UHRF2: variants seen among roughly 807,000 people sequenced by gnomAD.
UHRF2 encodes the protein ubiquitin like with PHD and ring finger domains 2.
Under a neutral mutation model 96.8 loss-of-function variants are expected in UHRF2, and 23 were observed. The ratio of observed to expected loss-of-function variants is 0.24; its 90% confidence interval spans 0.17 to 0.34. UHRF2 has a LOEUF of 0.34. Among genes scored for constraint, UHRF2 ranks in the 10% least tolerant of loss-of-function variants. The pLI, the probability that UHRF2 is intolerant of heterozygous loss-of-function variation, is 1.00. For synonymous variants in UHRF2, 385 were observed against 332.6 expected (o/e 1.16, Z -1.72); for missense variants, 685 against 981.5 (o/e 0.70, Z 4.04).
At chr9:6,505,930 T>G in intron 15 of UHRF2, 103 bp from the exon 16 acceptor site, 1 of 1,203,164 alleles carries the variant, frequency 8.3e-7, no homozygotes, top group South Asian at 1.4e-5. Context: ...TTCTGTACAT[T>G]TCTCTCATTA....
intron 1 of UHRF2, among the ~76,000 whole-genome samples, chr9:6,416,008 G>A (rs988849955): frequency 4.6e-5 from 7 of 152,154 alleles, no homozygotes; most frequent in African/African-American, 1.7e-4. Flanking sequence ...AGATCTCCAG[G>A]TGATCTGTAT....
chr9:6,425,312 G>A (rs1820188691), intron 2 of UHRF2, among the ~76,000 whole-genome samples: 1 of 152,098 alleles, frequency 6.6e-6, no homozygotes, highest in South Asian at 2.1e-4. Flanking sequence ...ATGTCCCTTT[G>A]ACATACCCCC....
chr9:6,416,237 G>C (rs1819591627), intron 1 of UHRF2, among the ~76,000 whole-genome samples: 1 of 151,978 alleles, frequency 6.6e-6, no homozygotes, highest in Admixed American at 6.5e-5. Context: ...CAAATTTTTT[G>C]TATTTTAGTA....
At chr9:6,486,269 A>G (rs921773098) in intron 8 of UHRF2, among the ~76,000 whole-genome samples, 1 of 152,378 alleles carries the variant, frequency 6.6e-6, no homozygotes, top group East Asian at 1.9e-4. Flanking sequence ...TCATGACTCA[A>G]ACTACGATTG....
At position 6,439,324 on chromosome 9, in the gene UHRF2, C is replaced by T. The variant is rs183012165; in HGVS notation, c.644+5151C>T. On this transcript the variant is annotated intron_variant, in intron 3 of 15. Coordinates refer to ENST00000276893, the MANE Select transcript of UHRF2 (RefSeq NM_152896.3). ...CTCAGCCTCCTGAGACACAGATGTGCACCACCACGCCCGGCTAATTTTTGT... is the reference window on the plus strand; with the variant it reads ...CTCAGCCTCCTGAGACACAGATGTGTACCACCACGCCCGGCTAATTTTTGT... Among the ~76,000 whole-genome samples the T allele has an allele frequency of 5.8e-4, 89 of 152,290 alleles. No individual in the cohort carries two copies. The Middle Eastern group carries it at 0.01, about 18-fold the overall frequency.
intron 4 of UHRF2, among the ~76,000 whole-genome samples, chr9:6,474,968 T>C (rs1823476532): frequency 6.6e-6 from 1 of 152,184 alleles, no homozygotes; most frequent in Admixed American, 6.5e-5. Flanking sequence ...TATATAAAAA[T>C]ATATTGCTTA....
intron 3 of UHRF2, among the ~76,000 whole-genome samples, chr9:6,457,710 G>C (rs1445014298): frequency 2.6e-5 from 4 of 152,122 alleles, no homozygotes; most frequent in African/African-American, 7.2e-5. Flanking sequence ...AGAGTTTTTA[G>C]CATGAAGGGG....
intron 10 of UHRF2, chr9:6,495,241 A>G (rs1824895590): frequency 2.0e-5 from 3 of 152,200 alleles, no homozygotes; most frequent in Non-Finnish European, 1.5e-5. Flanking sequence ...TACCGCTACA[A>G]TCTCATTAGA....
chr9:6,499,954 AAAT>A (rs780340094), intron 13 of UHRF2, 23 bp downstream of exon 13: 3 of 1,525,420 alleles, frequency 2.0e-6, no homozygotes, highest in Non-Finnish European at 2.7e-6. Context: ...TGCAAAATAT[AAAT>A]AATAATAACA....
At chr9:6,416,967 C>G (rs1488036539) in intron 1 of UHRF2, among the ~76,000 whole-genome samples, 1 of 152,146 alleles carries the variant, frequency 6.6e-6, no homozygotes, top group African/African-American at 2.4e-5. Context: ...AAAGTTGCCT[C>G]TCCCACTTGG....
At chr9:6,493,693 ATTATT>A (rs1824807645) in intron 9 of UHRF2, 128 bp from the exon 10 acceptor site, 1 of 698,774 alleles carries the variant, frequency 1.4e-6, no homozygotes, top group African/African-American at 1.8e-5. Flanking sequence ...TAAATTTTGC[ATTATT>A]TTGGGAGATG....
chr9:6,485,379 A>G (rs956679890), intron 8 of UHRF2, among the ~76,000 whole-genome samples: 2 of 152,038 alleles, frequency 1.3e-5, no homozygotes, highest in African/African-American at 4.8e-5. Flanking sequence ...AAGCCTCCTT[A>G]TATAGTCTAA....
intron 3 of UHRF2, among the ~76,000 whole-genome samples, chr9:6,442,255 C>G (rs1480702828): frequency 6.6e-6 from 1 of 152,138 alleles, no homozygotes; most frequent in East Asian, 1.9e-4. Flanking sequence ...TGAGCCACCA[C>G]CTCCAGTCAG....
intron 3 of UHRF2, 102 bp downstream of exon 3, chr9:6,434,275 T>A: frequency 2.2e-6 from 3 of 1,381,000 alleles, no homozygotes; most frequent in Non-Finnish European, 2.9e-6. Flanking sequence ...GAAGAAATCC[T>A]TTAGAGGTTA....
chr9:6,415,816 A>C (rs372721556), intron 1 of UHRF2, among the ~76,000 whole-genome samples: 1 of 152,184 alleles, frequency 6.6e-6, no homozygotes, highest in Non-Finnish European at 1.5e-5. Context: ...ACAAGACCCC[A>C]CGGGAGATTC....
chr9:6,432,587 ATT>A (rs1334502214), intron 2 of UHRF2, among the ~76,000 whole-genome samples: 5 of 152,230 alleles, frequency 3.3e-5, no homozygotes, highest in Non-Finnish European at 5.9e-5. Flanking sequence ...TAAAATAGGA[ATT>A]AAACTTCTTA....
At chr9:6,483,362 G>A (rs1008817310) in intron 8 of UHRF2, among the ~76,000 whole-genome samples, 2 of 151,118 alleles carry the variant, frequency 1.3e-5, no homozygotes, top group African/African-American at 4.9e-5. Flanking sequence ...TTATACAATG[G>A]TGCAGTATTT....
chr9:6,490,697 A>G (rs562943721), intron 9 of UHRF2, among the ~76,000 whole-genome samples: 84 of 152,344 alleles, frequency 5.5e-4, no homozygotes, highest in African/African-American at 1.9e-3. Flanking sequence ...TTTTGAATAT[A>G]CTTACTGGTC....
chr9:6,448,482 C>G (rs1821656167), intron 3 of UHRF2, among the ~76,000 whole-genome samples: 1 of 152,174 alleles, frequency 6.6e-6, no homozygotes, highest in Non-Finnish European at 1.5e-5. Flanking sequence ...AAAAACGTCT[C>G]TGTTTTTATT....
Sources: gnomAD v4.1 joint callset for allele counts (sites outside exome capture counted in the v4.1 genomes callset) on GRCh38, gnomAD v4.1.1 for gene constraint, MANE v1.5 for transcripts, NCBI Gene and HGNC (gene_info 2026-07-23, HGNC 2026-07-21) for gene names.